Variants in AGAP1 observed in about 807,000 individuals in gnomAD.
AGAP1 encodes the protein arf-GAP with GTPase, ANK repeat and PH domain-containing protein 1.
A neutral mutation model predicts 105.3 loss-of-function variants in AGAP1; 29 were observed. That is an observed-to-expected ratio of 0.28 (90% CI 0.21 to 0.38). The LOEUF (loss-of-function observed/expected upper bound fraction) is 0.38. Ranked by LOEUF, AGAP1 falls within the 10% of genes least tolerant of loss-of-function variation. The pLI is 1.00. For missense variants in AGAP1, 998 were observed against 1,165.1 expected (o/e 0.86, Z 2.09); for synonymous variants, 509 against 485.9 (o/e 1.05, Z -0.63).
intron 1 of AGAP1, chr2:235,670,210 G>A (rs1331814341): frequency 1.7e-6 from 1 of 577,840 alleles, no homozygotes; most frequent in East Asian, 3.7e-5. Context: ...CCATGGTCAG[G>A]AAGGAGCAGC....
chr2:235,605,808 A>C (rs561078638), intron 1 of AGAP1, among the ~76,000 whole-genome samples: 4 of 152,332 alleles, frequency 2.6e-5, no homozygotes, highest in African/African-American at 7.2e-5. Context: ...TTCAGCGCAG[A>C]TCCGATGAGT....
At chr2:235,548,057 T>A (rs1943685072) in intron 1 of AGAP1, among the ~76,000 whole-genome samples, 1 of 152,254 alleles carries the variant, frequency 6.6e-6, no homozygotes, top group Non-Finnish European at 1.5e-5. Flanking sequence ...GGCCTCAGGC[T>A]GCTGTTTCTG....
At chr2:235,516,941 C>T (rs1381526147) in intron 1 of AGAP1, among the ~76,000 whole-genome samples, 3 of 152,188 alleles carry the variant, frequency 2.0e-5, no homozygotes, top group Non-Finnish European at 4.4e-5. Flanking sequence ...CATTTTTGGC[C>T]CTACAGGGTA....
intron 1 of AGAP1, among the ~76,000 whole-genome samples, chr2:235,695,375 A>G (rs1205018510): frequency 6.6e-6 from 1 of 152,182 alleles, no homozygotes; most frequent in Non-Finnish European, 1.5e-5. Flanking sequence ...GAAAAAGGCA[A>G]TCCCCTACCC....
rs1049173138 is a variant in AGAP1 at position 235,664,935 on chromosome 2, C to T, written c.164-44244C>T. On this transcript the variant is annotated intron_variant, in intron 1 of 17. Transcript: ENST00000304032. This position sits in a 1 kb window ranked among gnomAD's most constrained non-coding sequence, Gnocchi z 5.7. ...CCATCTTTACCATAAATGAAAAAAA[C>T]GTTAGCCAAGCATGGTGGCTCACGC... Among the ~76,000 whole-genome samples, 9 of 152,076 alleles carry T rather than the reference C, an allele frequency of 5.9e-5. No individual in the cohort carries two copies. Among genetic ancestry groups the T allele is most frequent in the Non-Finnish European group, 7.4e-5 (5 of 68,012 alleles).
intron 16 of AGAP1, among the ~76,000 whole-genome samples, chr2:236,116,066 G>A (rs879590817): frequency 4.0e-5 from 6 of 151,810 alleles, no homozygotes; most frequent in Non-Finnish European, 7.4e-5. Context: ...TCGGCCTCCC[G>A]GAGTGTGAGG....
rs1392218928 is a variant in AGAP1, at chr2:235,623,802, A to G, written c.164-85377A>G. Reference sequence around the variant, plus strand: ...TTTTTGAGTATTGTAGTTTTTTTCAATATTTATGGAATGCTTAGTATTTGT... The same window carrying G: ...TTTTTGAGTATTGTAGTTTTTTTCAGTATTTATGGAATGCTTAGTATTTGT... On this transcript the variant is annotated intron_variant, in intron 1 of 17. Transcript: ENST00000304032. The surrounding 1 kb of genome is among the most constrained non-coding windows in gnomAD (Gnocchi z 4.5). Among the ~76,000 whole-genome samples, 1 of 152,126 alleles carries G rather than the reference A, an allele frequency of 6.6e-6. No homozygotes were observed. The highest frequency in any genetic ancestry group is 1.5e-5 in the Non-Finnish European group (1 of 68,022).
chr2:235,646,941 C>G (rs1343195172), intron 1 of AGAP1, among the ~76,000 whole-genome samples: 2 of 152,080 alleles, frequency 1.3e-5, no homozygotes, highest in Non-Finnish European at 2.9e-5. Context: ...GGAGACCATC[C>G]TGGCTAACAT....
Position 235,719,630 on chromosome 2 carries a change from C to T in AGAP1, c.310+1986C>T, listed in dbSNP as rs1951284286. 6.6e-6 allele frequency among the ~76,000 whole-genome samples: 1 copy of T among 152,152 alleles called. No individual in the cohort carries two copies. The highest frequency in any genetic ancestry group is 1.5e-5 in the Non-Finnish European group (1 of 68,024). On this transcript the variant is annotated intron_variant, in intron 3 of 17. Transcript: ENST00000304032. This position sits in a 1 kb window ranked among gnomAD's most constrained non-coding sequence, Gnocchi z 4.9. ...AGTAGGAGCGTGGGTGAGTACCTTC[C>T]TTTCTTCATCTGCAAAGTGGAAGTA...
chr2:236,027,745 A>G lies in AGAP1; in HGVS notation c.1646-8816A>G, dbSNP rs2057100889. Among the ~76,000 whole-genome samples the G allele has an allele frequency of 1.3e-5, 2 of 152,030 alleles. No individual in the cohort carries two copies. ...AGGATGAACCATCTGGTCAAAACAGAACAGAAACCCCAAAGAGCTGTTCAT... is the reference window on the plus strand; with the variant it reads ...AGGATGAACCATCTGGTCAAAACAGGACAGAAACCCCAAAGAGCTGTTCAT... On this transcript the variant is annotated intron_variant, in intron 13 of 17. Coordinates refer to ENST00000304032, the MANE Select transcript of AGAP1 (RefSeq NM_001037131.3). The surrounding 1 kb of genome is among the most constrained non-coding windows in gnomAD (Gnocchi z 4.4).
At chr2:236,079,464 T>A (rs2058725449) in intron 16 of AGAP1, among the ~76,000 whole-genome samples, 1 of 150,148 alleles carries the variant, frequency 6.7e-6, no homozygotes, top group South Asian at 2.1e-4. Flanking sequence ...AGCCCAGGAA[T>A]TTAAGGCTGC....
At chr2:235,500,415 TCCTGAGGATGCGGATG>T (rs1941513074) in intron 1 of AGAP1, among the ~76,000 whole-genome samples, 1 of 152,182 alleles carries the variant, frequency 6.6e-6, no homozygotes, top group Non-Finnish European at 1.5e-5. Context: ...CTAAGAAGTG[TCCTGAGGATGCGGATG>T]CCCTGGTCCA....
In AGAP1 at chr2:235,905,891, C is replaced by T. The variant is rs187076692; in HGVS notation, c.1156-2847C>T. Among the ~76,000 whole-genome samples the T allele has an allele frequency of 6.6e-6, 1 of 152,370 alleles. No homozygotes were observed. The highest frequency in any genetic ancestry group is 6.5e-5 in the Admixed American group (1 of 15,304). On this transcript the variant is annotated intron_variant, in intron 10 of 17. Coordinates refer to ENST00000304032, the MANE Select transcript of AGAP1 (RefSeq NM_001037131.3). This position sits in a 1 kb window ranked among gnomAD's most constrained non-coding sequence, Gnocchi z 4.2. ...CTAGCTTTCCTTCCATCTAGTTTAA[C>T]AGAGTTAATTCAATAGTAACTTTCT... is the stretch of plus-strand genomic sequence containing the variant.
intron 1 of AGAP1, among the ~76,000 whole-genome samples, chr2:235,542,521 G>GA (rs1265014592): frequency 1.3e-5 from 2 of 150,928 alleles, no homozygotes; most frequent in African/African-American, 5.0e-5. Context: ...TGTTAAAAAG[G>GA]AAAAATCCCA....
intron 16 of AGAP1, among the ~76,000 whole-genome samples, chr2:236,097,724 T>C (rs1234453197): frequency 3.3e-5 from 5 of 152,114 alleles, no homozygotes; most frequent in African/African-American, 1.2e-4. Flanking sequence ...TCAGTGGTGC[T>C]CAGTACATTG....
chr2:235,524,419 A>G, intron 1 of AGAP1: 1 of 244,550 alleles, frequency 4.1e-6, no homozygotes, highest in East Asian at 1.6e-4. Flanking sequence ...GCACAGCCTG[A>G]CAGTGGGGGC....
rs1404098700 is a variant in AGAP1 at position 236,001,321 on chromosome 2, GC to G, written c.1645+32700del. 2.6e-5 allele frequency among the ~76,000 whole-genome samples: 4 copies of G among 152,198 alleles called. No homozygotes were observed. Among genetic ancestry groups the G allele is most frequent in the African/African-American group, 9.7e-5 (4 of 41,442 alleles). On this transcript the variant is annotated intron_variant, in intron 13 of 17. Transcript: ENST00000304032. The surrounding 1 kb of genome is among the most constrained non-coding windows in gnomAD (Gnocchi z 4.7). ...AGGAAACGCATTTTTGTGGTTTCAC[GC>G]CACCCAGCGTGCGGTGCATTGTGGC...
rs557578359 is a variant in AGAP1 at position 235,631,626 on chromosome 2, C to A, written c.164-77553C>A. On this transcript the variant is annotated intron_variant, in intron 1 of 17. Coordinates refer to ENST00000304032, the MANE Select transcript of AGAP1 (RefSeq NM_001037131.3). This position sits in a 1 kb window ranked among gnomAD's most constrained non-coding sequence, Gnocchi z 5.4. ...TTGCTTCTTCCCTGGGCTTGCTTTCCGTGTGATTCTGGGCAAGTTGGTTAA... is the reference window on the plus strand; with the variant it reads ...TTGCTTCTTCCCTGGGCTTGCTTTCAGTGTGATTCTGGGCAAGTTGGTTAA... Among the ~76,000 whole-genome samples the A allele has an allele frequency of 6.6e-6, 1 of 152,306 alleles. No individual in the cohort carries two copies. Among genetic ancestry groups the A allele is most frequent in the South Asian group, 2.1e-4 (1 of 4,826 alleles).
chr2:235,933,001 T>A (rs1293254395), intron 12 of AGAP1, among the ~76,000 whole-genome samples: 3 of 152,168 alleles, frequency 2.0e-5, no homozygotes, highest in Non-Finnish European at 4.4e-5. Flanking sequence ...ACCAGTATGC[T>A]CCCTGACCTC....
Sources: gnomAD v4.1 joint callset for allele counts (sites outside exome capture counted in the v4.1 genomes callset) on GRCh38, gnomAD v4.1.1 for gene constraint, Gnocchi (gnomAD v3.1) non-coding constraint, MANE v1.5 for transcripts, NCBI Gene and HGNC (gene_info 2026-07-23, HGNC 2026-07-21) for gene names.